The following TBCD variants were observed in gnomAD, a reference collection of about 807,000 sequenced individuals.
TBCD encodes the protein tubulin-specific chaperone D.
TBCD carries 105 observed loss-of-function variants against 169.3 expected under a neutral mutation model. That is an observed-to-expected ratio of 0.62 (90% CI 0.53 to 0.73). The LOEUF is 0.73. TBCD is among the 30% of genes least tolerant of loss of function. TBCD has a pLI of 0.00. For synonymous variants in TBCD, 700 were observed against 643.9 expected, an observed-to-expected ratio of 1.09 and a Z score of -1.32; for missense variants, 1,444 against 1,600.1, an observed-to-expected ratio of 0.90 and a Z score of 1.66.
In TBCD at chr17:82,855,993, C is replaced by CTTTTTTT. The variant is rs60978063; in HGVS notation, c.1319-14212_1319-14206dup. ...TTTGTATGGGTAGACTCCCCCCCCA[C>CTTTTTTT]TTTTTTTTTTTTTTTTTTTTTTTTT... On this transcript the variant is annotated intron_variant, in intron 13 of 38. Transcript: ENST00000355528. 3.0e-3 allele frequency among the ~76,000 whole-genome samples: 200 copies of CTTTTTTT among 66,292 alleles called. 5 individuals carry two copies. The highest frequency in any genetic ancestry group is 9.2e-3 in the East Asian group (17 of 1,854). 43.5% of individuals were successfully genotyped at this position (66,292 alleles called of 152,430 possible).
intron 1 of TBCD, among the ~76,000 whole-genome samples, chr17:82,755,202 A>T (rs1389918222): frequency 2.0e-5 from 3 of 152,182 alleles, no homozygotes; most frequent in African/African-American, 7.2e-5. Flanking sequence ...CATAGAAGGG[A>T]TTGTCTAGGT....
Position 82,832,151 on chromosome 17 carries a change from G to C in TBCD, c.1318+17217G>C, listed in dbSNP as rs757909766. The C allele has an allele frequency of 5.6e-6, 9 of 1,614,140 alleles. No individual in the cohort carries two copies. In the African/African-American group the frequency reaches 1.1e-4, roughly 19 times the overall value. On this transcript the variant is annotated intron_variant, in intron 13 of 38. Coordinates refer to ENST00000355528, the MANE Select transcript of TBCD (RefSeq NM_005993.5). This position sits in a 1 kb window ranked among gnomAD's most constrained non-coding sequence, Gnocchi z 4.9. Reference sequence around the variant, plus strand: ...TCTTCCCTGGCAGAGCTGTGCTGAAGCTTCGAGTCGAAGGCAGAGAGTCCA... The same window carrying C: ...TCTTCCCTGGCAGAGCTGTGCTGAACCTTCGAGTCGAAGGCAGAGAGTCCA...
At position 82,924,989 on chromosome 17, in the gene TBCD, A is replaced by G. The variant is rs1422145574; in HGVS notation, c.2311A>G (p.Thr771Ala). 3.8e-6 allele frequency: 6 copies of G among 1,575,304 alleles called. No homozygotes were observed. The African/African-American group carries it at 4.1e-5, about 11-fold the overall frequency. The change falls in exon 27 of 39, where the codon ACT becomes GCT. Residue 771 changes from threonine (T) to alanine (A), a missense_variant. Transcript: ENST00000355528. ...LAELRNPEEM[T>A]RCGFSLALGA... is the part of the protein sequence containing the mutation. ...TGAGCTTCGGAACCCCGAGGAGATG[A>G]CTCGCTGTGGCTTCTCGTTGGCCTT...
intron 30 of TBCD, 112 bp from the exon 31 acceptor site, chr17:82,929,001 T>C (rs546958553): frequency 7.3e-7 from 1 of 1,377,710 alleles, no homozygotes; most frequent in African/African-American, 1.4e-5. Flanking sequence ...GGAGCCCGCA[T>C]GTCCTCGTGG....
At chr17:82,932,999 T>C in intron 34 of TBCD, 2 of 484,882 alleles carry the variant, frequency 4.1e-6, no homozygotes, top group Non-Finnish European at 7.4e-6. Context: ...CTGTGCACTC[T>C]CCCCCCAGCT....
chr17:82,808,921 G>A (rs944165158), intron 11 of TBCD, among the ~76,000 whole-genome samples: 1 of 151,450 alleles, frequency 6.6e-6, no homozygotes, highest in African/African-American at 2.4e-5. Flanking sequence ...AGGGGATAAG[G>A]CAGGTGCAGG....
intron 23 of TBCD, among the ~76,000 whole-genome samples, chr17:82,917,316 A>G (rs1024943556): frequency 7.2e-5 from 11 of 151,898 alleles, no homozygotes; most frequent in African/African-American, 2.7e-4. Flanking sequence ...TTTGATTTAA[A>G]TTTCATTGTC....
chr17:82,939,444 C>A lies in TBCD; in HGVS notation c.3447C>A (p.Asp1149Glu). The change falls in exon 37 of 39, where the codon GAC becomes GAA. Residue 1149 changes from aspartate (D) to glutamate (E), a missense_variant. Transcript: ENST00000355528. ...ACGTCGTGGGCGCGGATGTGCTGGACGAGGTGGTGACTGTGCTCAGTGACA... is the reference window on the plus strand; with the variant it reads ...ACGTCGTGGGCGCGGATGTGCTGGAAGAGGTGGTGACTGTGCTCAGTGACA... ...YSDVVGADVL[D>E]EVVTVLSDTA... 6.2e-7 allele frequency: 1 copy of A among 1,613,612 alleles called. No individual in the cohort carries two copies. Among genetic ancestry groups the A allele is most frequent in the Non-Finnish European group, 8.5e-7 (1 of 1,179,832 alleles).
intron 17 of TBCD, among the ~76,000 whole-genome samples, chr17:82,899,364 G>A (rs2059736279): frequency 6.6e-6 from 1 of 151,518 alleles, no homozygotes; most frequent in Admixed American, 6.6e-5. Flanking sequence ...TCCGCAGTGC[G>A]TCCTCAGCGC....
intron 37 of TBCD, 137 bp from the exon 38 acceptor site, chr17:82,941,262 C>T: frequency 2.9e-6 from 2 of 691,470 alleles, no homozygotes. Context: ...CTTTTCTGCC[C>T]TCAGCCTGGC....
chr17:82,896,470 T>G (rs2059490454), intron 17 of TBCD, among the ~76,000 whole-genome samples: 1 of 146,332 alleles, frequency 6.8e-6, no homozygotes, highest in Non-Finnish European at 1.5e-5. Context: ...TTTTTTTTTT[T>G]TTTTTTTCCT....
chr17:82,861,581 G>C (rs2056770740), intron 13 of TBCD, among the ~76,000 whole-genome samples: 1 of 152,252 alleles, frequency 6.6e-6, no homozygotes, highest in African/African-American at 2.4e-5. Context: ...TGTCCGGAGA[G>C]GGCTGTGATT....
rs59193339 is a variant in TBCD, at chr17:82,923,149, G to A, written c.2179-503G>A. Among the ~76,000 whole-genome samples, 1 of 152,190 alleles carries A rather than the reference G, an allele frequency of 6.6e-6. No individual in the cohort carries two copies. Among genetic ancestry groups the A allele is most frequent in the Non-Finnish European group, 1.5e-5 (1 of 68,046 alleles). On this transcript the variant is annotated intron_variant, in intron 25 of 38. Coordinates refer to ENST00000355528, the MANE Select transcript of TBCD (RefSeq NM_005993.5). The surrounding 1 kb of genome is among the most constrained non-coding windows in gnomAD (Gnocchi z 4.6). ...CCTGCCCCGTTACTCTGGGTGCATA[G>A]TGTATGCCTTTTTCTTCATAACTAT...
At chr17:82,906,322 G>C (rs1179684306) in intron 20 of TBCD, among the ~76,000 whole-genome samples, 1 of 152,188 alleles carries the variant, frequency 6.6e-6, no homozygotes, top group African/African-American at 2.4e-5. Flanking sequence ...CGGCTGTCCT[G>C]CCCCTGCTGC....
chr17:82,755,526 G>A (rs1249380518), intron 1 of TBCD, among the ~76,000 whole-genome samples: 2 of 152,176 alleles, frequency 1.3e-5, no homozygotes, highest in Non-Finnish European at 2.9e-5. Context: ...CTGGAATTTG[G>A]TGTCTTATTG....
Position 82,800,985 on chromosome 17 carries a change from G to A in TBCD, c.939G>A (p.Val313=), listed in dbSNP as rs1827417730. 6.2e-7 allele frequency: 1 copy of A among 1,609,884 alleles called. No homozygotes were observed. Among genetic ancestry groups the A allele is most frequent in the Non-Finnish European group, 8.5e-7 (1 of 1,178,770 alleles). ...RLGLTFLKPK[V]AAWRYQRGCR... ...GGCTGACATTCCTGAAGCCGAAGGT[G>A]GCAGCATGGAGGTAGGCACCATGAG... is the stretch of plus-strand genomic sequence containing the variant. The change falls in exon 9 of 39, where the codon GTG becomes GTA. Residue 313 remains valine (V), a synonymous_variant. Transcript: ENST00000355528.
At chr17:82,813,575 G>C (rs766851774) in intron 12 of TBCD, among the ~76,000 whole-genome samples, 4 of 152,210 alleles carry the variant, frequency 2.6e-5, no homozygotes, top group Non-Finnish European at 5.9e-5. Context: ...ACACGTGTCT[G>C]ATTTAGAAGT....
intron 7 of TBCD, among the ~76,000 whole-genome samples, chr17:82,781,991 C>G (rs2048976712): frequency 1.3e-5 from 2 of 152,170 alleles, no homozygotes; most frequent in Non-Finnish European, 1.5e-5. Context: ...CCGGGGCTCC[C>G]CAGGGTAGGT....
intron 13 of TBCD, among the ~76,000 whole-genome samples, chr17:82,868,986 C>T (rs970602365): frequency 2.6e-5 from 4 of 151,610 alleles, no homozygotes; most frequent in Non-Finnish European, 4.4e-5. Flanking sequence ...GAGACCCTGG[C>T]GTGTGCGTGG....
Sources: allele counts gnomAD v4.1 joint callset (sites outside exome capture counted in the v4.1 genomes callset), GRCh38; gene constraint gnomAD v4.1.1; non-coding constraint Gnocchi (gnomAD v3.1); transcripts MANE v1.5; gene names NCBI Gene and HGNC (gene_info 2026-07-23, HGNC 2026-07-21).